NUFIP1: variants seen among roughly 807,000 people sequenced by gnomAD.
The protein encoded by NUFIP1 is FMR1-interacting protein NUFIP1.
A neutral mutation model predicts 56.2 loss-of-function variants in NUFIP1; 38 were observed. That is an observed-to-expected ratio of 0.68 (90% CI 0.52 to 0.89). NUFIP1 has a LOEUF of 0.89. Ranked by LOEUF, NUFIP1 falls within the 40% of genes least tolerant of loss-of-function variation. NUFIP1 has a pLI of 0.00. For synonymous variants in NUFIP1, 215 were observed against 212.4 expected, an observed-to-expected ratio of 1.01 and a Z score of -0.10; for missense variants, 567 against 605.8, an observed-to-expected ratio of 0.94 and a Z score of 0.67.
At chr13:44,957,480 G>A (rs1871285251) in intron 7 of NUFIP1, among the ~76,000 whole-genome samples, 1 of 152,196 alleles carries the variant, frequency 6.6e-6, no homozygotes, top group Non-Finnish European at 1.5e-5. Flanking sequence ...CCAAAGTGCT[G>A]CAATTACAGG....
chr13:44,972,854 T>G (rs1871852376), intron 5 of NUFIP1, among the ~76,000 whole-genome samples: 1 of 152,258 alleles, frequency 6.6e-6, no homozygotes, highest in Admixed American at 6.5e-5. Flanking sequence ...GGCAAGAAGT[T>G]ACTAGTGTTT....
At chr13:44,962,676 G>A (rs1446639340) in intron 6 of NUFIP1, among the ~76,000 whole-genome samples, 2 of 152,154 alleles carry the variant, frequency 1.3e-5, no homozygotes, top group Non-Finnish European at 2.9e-5. Flanking sequence ...GTAATGTATA[G>A]CAGCCTCCTG....
intron 2 of NUFIP1, among the ~76,000 whole-genome samples, chr13:44,981,291 T>G (rs1872179347): frequency 6.6e-6 from 1 of 151,738 alleles, no homozygotes; most frequent in South Asian, 2.1e-4. Context: ...TGTGACAATT[T>G]GGAAAAACTC....
At chr13:44,945,973 C>T (rs1451950103) in intron 8 of NUFIP1, among the ~76,000 whole-genome samples, 2 of 152,026 alleles carry the variant, frequency 1.3e-5, no homozygotes, top group African/African-American at 4.8e-5. Flanking sequence ...GACTCTGGTG[C>T]CAGACTGTTA....
At chr13:44,978,329 G>A (rs916620453) in intron 5 of NUFIP1, among the ~76,000 whole-genome samples, 2 of 152,182 alleles carry the variant, frequency 1.3e-5, no homozygotes, top group Non-Finnish European at 2.9e-5. Context: ...CTGCTCATAA[G>A]AGTCTGAAGT....
rs571213277 is a variant in NUFIP1 at position 44,940,172 on chromosome 13, G to A, written c.*1034C>T. ...ATTTCCCAAAATATGGGGCTCACTG[G>A]AGGAGTAGGGTGAAACAGAATAAAC... On this transcript the variant is annotated 3_prime_UTR_variant, in exon 10 of 10. Coordinates refer to ENST00000379161, the MANE Select transcript of NUFIP1 (RefSeq NM_012345.3). The A allele has an allele frequency of 6.6e-6, 1 of 152,276 alleles. No homozygotes were observed. The highest frequency in any genetic ancestry group is 1.9e-4 in the East Asian group (1 of 5,190). 9.4% of individuals were successfully genotyped at this position (152,276 alleles called of 1,614,324 possible).
At chr13:44,968,531 A>C (rs1258339229) in intron 5 of NUFIP1, among the ~76,000 whole-genome samples, 2 of 152,254 alleles carry the variant, frequency 1.3e-5, no homozygotes, top group Admixed American at 1.3e-4. Flanking sequence ...GAAGATGAGA[A>C]GCGACAATAA....
At chr13:44,983,097 T>C (rs1872252078) in intron 1 of NUFIP1, among the ~76,000 whole-genome samples, 1 of 152,188 alleles carries the variant, frequency 6.6e-6, no homozygotes, top group Admixed American at 6.5e-5. Flanking sequence ...TCAACCGATC[T>C]GCCTGCCTCA....
intron 5 of NUFIP1, among the ~76,000 whole-genome samples, chr13:44,971,095 G>GA (rs1301950054): frequency 1.3e-5 from 2 of 152,006 alleles, no homozygotes; most frequent in African/African-American, 4.8e-5. Flanking sequence ...TATACATACA[G>GA]AAAAAATATA....
intron 1 of NUFIP1, among the ~76,000 whole-genome samples, 174 bp from the exon 2 acceptor site, chr13:44,982,328 T>C (rs988520689): frequency 2.6e-5 from 4 of 152,146 alleles, no homozygotes; most frequent in African/African-American, 9.7e-5. Flanking sequence ...GTCTACCAAA[T>C]GACTATTTTT....
At chr13:44,964,826 C>T (rs1871545064) in intron 6 of NUFIP1, among the ~76,000 whole-genome samples, 1 of 152,114 alleles carries the variant, frequency 6.6e-6, no homozygotes, top group Non-Finnish European at 1.5e-5. Flanking sequence ...GGGTAAGATA[C>T]CCAGTAAGAT....
chr13:44,960,022 C>A (rs1871369269), intron 6 of NUFIP1, among the ~76,000 whole-genome samples: 1 of 151,488 alleles, frequency 6.6e-6, no homozygotes, highest in African/African-American at 2.4e-5. Context: ...ACCTCCACCT[C>A]CCAGGTTCAA....
intron 7 of NUFIP1, among the ~76,000 whole-genome samples, chr13:44,956,141 CAAAAAAAAA>C (rs371458350): frequency 1.6e-5 from 1 of 61,484 alleles, no homozygotes; most frequent in African/African-American, 6.2e-5. Context: ...GACTCCGTCT[CAAAAAAAAA>C]AAAAAAAAAA....
At chr13:44,949,652 A>T in intron 8 of NUFIP1, 70 bp downstream of exon 8, 1 of 846,638 alleles carries the variant, frequency 1.2e-6, no homozygotes, top group Non-Finnish European at 1.9e-6. Flanking sequence ...GGATGTTATT[A>T]ATGCGCAGCA....
intron 5 of NUFIP1, among the ~76,000 whole-genome samples, chr13:44,967,817 T>C (rs950716798): frequency 2.6e-5 from 4 of 152,062 alleles, no homozygotes; most frequent in African/African-American, 9.7e-5. Flanking sequence ...AAGAGGGCAA[T>C]AGATTCTAGG....
In NUFIP1 at chr13:44,940,058, A is replaced by G. The variant is rs1319096466; in HGVS notation, c.*1148T>C. 6.6e-6 allele frequency: 1 copy of G among 152,214 alleles called. No individual in the cohort carries two copies. The highest frequency in any genetic ancestry group is 1.5e-5 in the Non-Finnish European group (1 of 68,038). 9.4% of individuals were successfully genotyped at this position (152,214 alleles called of 1,614,324 possible). A position where few individuals can be genotyped will look rare whatever the true frequency, so the allele number is the denominator to read the frequency against. On this transcript the variant is annotated 3_prime_UTR_variant, in exon 10 of 10. Transcript: ENST00000379161. The stretch of plus-strand genomic sequence containing the variant: ...GTCAGACATGGCCTTATTTATTTGT[A>G]TACCTTTAATATAGGCACAATAGAG...
chr13:44,989,033 T>A lies in NUFIP1; in HGVS notation c.404A>T (p.Asn135Ile), dbSNP rs148252991. The A allele has an allele frequency of 6.2e-7, 1 of 1,613,664 alleles. No homozygotes were observed. The highest frequency in any genetic ancestry group is 8.5e-7 in the Non-Finnish European group (1 of 1,179,938). Reference sequence around the variant, plus strand: ...GTGGAAAAATAGCCTACCTGCAGGGTTGAAGGACTTCTGATGCCGAGGAAA... The same window carrying A: ...GTGGAAAAATAGCCTACCTGCAGGGATGAAGGACTTCTGATGCCGAGGAAA... ...DRFPRHQKSF[N>I]PAVKNSYYPR... Residue 135 changes from asparagine (N) to isoleucine (I), a missense_variant, in exon 1 of 10, where the codon AAC becomes ATC. By Grantham distance (149) the Asn-to-Ile change is moderately radical. Coordinates refer to ENST00000379161, the MANE Select transcript of NUFIP1 (RefSeq NM_012345.3).
chr13:44,980,585 T>C (rs1294323398), intron 3 of NUFIP1, 137 bp downstream of exon 3: 1 of 660,922 alleles, frequency 1.5e-6, no homozygotes, highest in Non-Finnish European at 2.6e-6. Flanking sequence ...TCACTGCCCC[T>C]ATCTGTCAAG....
intron 7 of NUFIP1, 83 bp downstream of exon 7, chr13:44,959,298 T>A: frequency 7.6e-7 from 1 of 1,313,128 alleles, no homozygotes; most frequent in South Asian, 1.3e-5. Context: ...ATATTAAACT[T>A]TCCACAAGCA....
Sources: allele counts gnomAD v4.1 joint callset (sites outside exome capture counted in the v4.1 genomes callset), GRCh38; gene constraint gnomAD v4.1.1; transcripts MANE v1.5; gene names NCBI Gene and HGNC (gene_info 2026-07-23, HGNC 2026-07-21).